The following TBC1D5 variants were observed in gnomAD, a reference collection of about 807,000 sequenced individuals.
The protein encoded by TBC1D5 is TBC1 domain family member 5.
A neutral mutation model predicts 100.3 loss-of-function variants in TBC1D5; 75 were observed. The observed-to-expected ratio is 0.75, with a 90% confidence interval of 0.62 to 0.91. The LOEUF (loss-of-function observed/expected upper bound fraction) is 0.91. TBC1D5 is among the 40% of genes least tolerant of loss of function. The probability of loss-of-function intolerance (pLI) is 0.00; values close to 1 mark genes in which losing one functional copy is unlikely to be tolerated. For synonymous variants in TBC1D5, 323 were observed against 325.6 expected (o/e 0.99, Z 0.09); for missense variants, 910 against 942.4 (o/e 0.97, Z 0.45).
intron 15 of TBC1D5, among the ~76,000 whole-genome samples, chr3:17,282,933 T>TG (rs2080768215): frequency 2.0e-5 from 3 of 152,248 alleles, no homozygotes; most frequent in Non-Finnish European, 4.4e-5. Flanking sequence ...GTACAAGGTA[T>TG]TAAGGGCGAT....
intron 3 of TBC1D5, among the ~76,000 whole-genome samples, chr3:17,480,793 C>T (rs2095492583): frequency 6.6e-6 from 1 of 152,216 alleles, no homozygotes; most frequent in Non-Finnish European, 1.5e-5. Flanking sequence ...CGGAAAGGAG[C>T]TACCCACTCA....
intron 3 of TBC1D5, among the ~76,000 whole-genome samples, chr3:17,430,094 T>C (rs2094420796): frequency 6.6e-6 from 1 of 151,744 alleles, no homozygotes; most frequent in African/African-American, 2.4e-5. Flanking sequence ...CACCCTTCAT[T>C]TTCTTTTAAA....
intron 1 of TBC1D5, among the ~76,000 whole-genome samples, chr3:17,735,380 A>G (rs1471154267): frequency 1.3e-5 from 2 of 152,252 alleles, no homozygotes; most frequent in Non-Finnish European, 2.9e-5. Flanking sequence ...ACAACTGCAA[A>G]CAACAAAATA....
At chr3:17,513,055 C>CGG (rs2095933038) in intron 2 of TBC1D5, among the ~76,000 whole-genome samples, 1 of 151,982 alleles carries the variant, frequency 6.6e-6, no homozygotes, top group Admixed American at 6.6e-5. Flanking sequence ...CAATACAGGC[C>CGG]GGGCATGGTG....
intron 15 of TBC1D5, among the ~76,000 whole-genome samples, chr3:17,277,223 T>C (rs1252745762): frequency 6.6e-6 from 1 of 152,118 alleles, no homozygotes. Flanking sequence ...GATATTCATA[T>C]TCTCAAAAGA....
Position 17,430,292 on chromosome 3 carries a change from A to G in TBC1D5, c.98-1773T>C, listed in dbSNP as rs117989294. Among the ~76,000 whole-genome samples the G allele has an allele frequency of 6.5e-4, 99 of 151,934 alleles. 2 individuals are homozygous for G. In the East Asian group the frequency reaches 0.019, roughly 29 times the overall value. On this transcript the variant is annotated intron_variant, in intron 3 of 21. Transcript: ENST00000253692. ...TATGAGCTTCTTTCTCGTTAAAACT[A>G]AAGATTATGATTAAACATGAAAAAT...
intron 18 of TBC1D5, among the ~76,000 whole-genome samples, chr3:17,211,468 G>A (rs1250150849): frequency 6.6e-6 from 1 of 152,172 alleles, no homozygotes; most frequent in Non-Finnish European, 1.5e-5. Flanking sequence ...CATTTTGTAC[G>A]CTTTTCAGAG....
intron 21 of TBC1D5, among the ~76,000 whole-genome samples, chr3:17,163,249 T>G (rs531888524): frequency 1.8e-4 from 15 of 85,050 alleles, no homozygotes; most frequent in Middle Eastern, 0.013. Flanking sequence ...CCATTTTCTT[T>G]TATTGACCCC....
intron 19 of TBC1D5, among the ~76,000 whole-genome samples, chr3:17,176,506 G>C (rs2067747438): frequency 6.6e-6 from 1 of 152,112 alleles, no homozygotes; most frequent in Non-Finnish European, 1.5e-5. Flanking sequence ...CTTTTATTTA[G>C]ATATTAAGTT....
At chr3:17,520,048 A>G (rs937625258) in intron 2 of TBC1D5, among the ~76,000 whole-genome samples, 3 of 152,182 alleles carry the variant, frequency 2.0e-5, no homozygotes, top group African/African-American at 7.2e-5. Context: ...TTTACTTTCA[A>G]CCACAACTTT....
intron 18 of TBC1D5, among the ~76,000 whole-genome samples, chr3:17,192,674 T>C (rs940555372): frequency 6.6e-6 from 1 of 152,284 alleles, no homozygotes; most frequent in East Asian, 1.9e-4. Flanking sequence ...GTCACATTTA[T>C]GCTATCCAAT....
chr3:17,550,771 AT>A (rs1237686861), intron 2 of TBC1D5, among the ~76,000 whole-genome samples: 1 of 152,178 alleles, frequency 6.6e-6, no homozygotes, highest in East Asian at 1.9e-4. Flanking sequence ...TGCCATAAAG[AT>A]AAAGCACTTA....
intron 4 of TBC1D5, among the ~76,000 whole-genome samples, chr3:17,414,993 T>C (rs1408017038): frequency 6.6e-6 from 1 of 152,160 alleles, no homozygotes; most frequent in Non-Finnish European, 1.5e-5. Flanking sequence ...AATAGTTCAT[T>C]GCCTAGAGGT....
intron 8 of TBC1D5, 141 bp from the exon 9 acceptor site, chr3:17,384,156 G>A (rs2093058140): frequency 1.6e-6 from 1 of 611,272 alleles, no homozygotes; most frequent in Admixed American, 3.0e-5. Flanking sequence ...TGCCTTTAGT[G>A]GGGACTGAAA....
In TBC1D5 at chr3:17,372,526, T is replaced by G. The variant is rs568017239; in HGVS notation, c.823-279A>C. Among the ~76,000 whole-genome samples the G allele has an allele frequency of 3.3e-5, 5 of 152,336 alleles. No individual in the cohort carries two copies. The South Asian group carries it at 1.0e-3, about 32-fold the overall frequency. On this transcript the variant is annotated intron_variant, in intron 12 of 21. Transcript: ENST00000253692. ...TATTATGTTCCTTGATAAAAATGAA[T>G]GTCTTTCTTTGTGTTGTCTAAGCCA...
At chr3:17,162,910 T>C (rs1470023919) in intron 21 of TBC1D5, among the ~76,000 whole-genome samples, 1 of 152,186 alleles carries the variant, frequency 6.6e-6, no homozygotes, top group Non-Finnish European at 1.5e-5. Context: ...CTGTAAACTG[T>C]GAAAATCTTG....
rs573253951 is a variant in TBC1D5, at chr3:17,297,542, C to A, written c.1139-5541G>T. On this transcript the variant is annotated intron_variant, in intron 14 of 21. Coordinates refer to ENST00000253692, the Ensembl canonical transcript of TBC1D5. Reference sequence around the variant, plus strand: ...AGTGAGCCCAGATCACACCACCGCACTCCAGCCTGGGTGACAGAGCGAGAC... The same window carrying A: ...AGTGAGCCCAGATCACACCACCGCAATCCAGCCTGGGTGACAGAGCGAGAC... Among the ~76,000 whole-genome samples the A allele has an allele frequency of 9.3e-5, 14 of 151,044 alleles. No individual in the cohort carries two copies. The South Asian group carries it at 2.9e-3, about 32-fold the overall frequency.
chr3:17,165,053 G>A (rs2066452142), intron 21 of TBC1D5, among the ~76,000 whole-genome samples: 1 of 152,198 alleles, frequency 6.6e-6, no homozygotes, highest in Admixed American at 6.5e-5. Flanking sequence ...CTGTGTCTCA[G>A]AAGCACACGC....
intron 19 of TBC1D5, among the ~76,000 whole-genome samples, chr3:17,173,417 C>T (rs765356577): frequency 2.4e-4 from 36 of 152,158 alleles, no homozygotes; most frequent in Non-Finnish European, 1.0e-4. Flanking sequence ...GTTACCTATA[C>T]GCACAACAGA....
Sources: allele counts gnomAD v4.1 joint callset (sites outside exome capture counted in the v4.1 genomes callset), GRCh38; gene constraint gnomAD v4.1.1; transcripts MANE v1.5; gene names NCBI Gene and HGNC (gene_info 2026-07-23, HGNC 2026-07-21).